SLC23A1: variants seen among roughly 807,000 people sequenced by gnomAD.
SLC23A1 encodes the protein Na(+)/L-ascorbic acid transporter 1.
Under a neutral mutation model 62.5 loss-of-function variants are expected in SLC23A1, and 31 were observed. That is an observed-to-expected ratio of 0.50 (90% confidence interval 0.37 to 0.67). The LOEUF is 0.67. Among genes scored for constraint, SLC23A1 ranks in the 30% least tolerant of loss-of-function variants. The pLI, the probability that SLC23A1 is intolerant of heterozygous loss-of-function variation, is 0.00. For synonymous variants in SLC23A1, 271 were observed against 313.2 expected (o/e 0.87, Z 1.42); for missense variants, 640 against 782.7 (o/e 0.82, Z 2.18).
At position 139,381,904 on chromosome 5, in the gene SLC23A1, G is replaced by A; in HGVS notation, c.296C>T (p.Thr99Ile). Residue 99 changes from threonine to isoleucine, a missense_variant, in exon 3 of 15, where the codon ACC (threonine) becomes ATC (isoleucine). By Grantham distance (89) the Thr-to-Ile change is moderately conservative. Coordinates refer to ENST00000348729, the MANE Select transcript of SLC23A1 (RefSeq NM_005847.5). The stretch of plus-strand genomic sequence containing the variant: ...CTGGGCGGCTCACCGGATGCCCACG[G>A]TGGTCTGGATGAGAGTGGTGATGCC... ...CVGITTLIQT[T>I]VGIRLPLFQA... The A allele has an allele frequency of 1.3e-6, 2 of 1,561,940 alleles. No homozygotes were observed. Among genetic ancestry groups the A allele is most frequent in the Non-Finnish European group, 1.7e-6 (2 of 1,154,158 alleles).
chr5:139,378,447 C>G lies in SLC23A1; in HGVS notation c.1180-96G>C, dbSNP rs2152069474. The G allele has an allele frequency of 6.7e-7, 1 of 1,483,038 alleles. No homozygotes were observed. The highest frequency in any genetic ancestry group is 9.1e-7 in the Non-Finnish European group (1 of 1,094,716). 91.9% of individuals were successfully genotyped at this position (1,483,038 alleles called of 1,614,324 possible). A position where few individuals can be genotyped will look rare whatever the true frequency, so the allele number is the denominator to read the frequency against. Reference sequence around the variant, plus strand: ...CCTGTTATAAGAGCGAGGCATAAACCGGCTGGGGCTTGATGCGGGGGCGAG... The same window carrying G: ...CCTGTTATAAGAGCGAGGCATAAACGGGCTGGGGCTTGATGCGGGGGCGAG... On this transcript the variant is annotated intron_variant, in intron 10 of 14. Coordinates refer to ENST00000348729, the MANE Select transcript of SLC23A1 (RefSeq NM_005847.5). This position sits in a 1 kb window ranked among gnomAD's most constrained non-coding sequence, Gnocchi z 4.5.
intron 3 of SLC23A1, among the ~76,000 whole-genome samples, chr5:139,381,614 CAA>C (rs904456829): frequency 3.1e-4 from 17 of 55,706 alleles, no homozygotes; most frequent in South Asian, 7.6e-4. Flanking sequence ...ACTCCGTCTC[CAA>C]AAAAAAAAAA....
chr5:139,378,558 G>A lies in SLC23A1; in HGVS notation c.1179+21C>T, dbSNP rs772366034. On this transcript the variant is annotated intron_variant, in intron 10 of 14. Coordinates refer to ENST00000348729, the MANE Select transcript of SLC23A1 (RefSeq NM_005847.5). This position sits in a 1 kb window ranked among gnomAD's most constrained non-coding sequence, Gnocchi z 4.5. ...GGCCCACGGAATTAGGGCAGGATTT[G>A]GCTCTGGCTCGTCGCGACACCTTGG... The A allele has an allele frequency of 2.6e-6, 4 of 1,541,404 alleles. No homozygotes were observed. Among genetic ancestry groups the A allele is most frequent in the Admixed American group, 3.8e-5 (2 of 52,530 alleles).
rs763765708 is a variant in SLC23A1, at chr5:139,371,972, A to G, written c.*19+15T>C. 6 of 1,603,700 alleles carry G rather than the reference A, an allele frequency of 3.7e-6. No individual in the cohort carries two copies. In the South Asian group the frequency reaches 5.5e-5, roughly 15 times the overall value. On this transcript the variant is annotated intron_variant, in intron 14 of 14. Coordinates refer to ENST00000348729, the MANE Select transcript of SLC23A1 (RefSeq NM_005847.5). ...ATTATTCAACCCTCCCACAAAAACC[A>G]TAGACACATCCTACCTTTCCTGGAA...
chr5:139,377,459 TC>T lies in SLC23A1; in HGVS notation c.1491del (p.Thr498ProfsTer27). On this transcript the variant is annotated frameshift_variant, in exon 13 of 15. Coordinates refer to ENST00000348729, the MANE Select transcript of SLC23A1 (RefSeq NM_005847.5). LOFTEE classifies it high-confidence loss of function. ...LEVDQILIVL[L>X]TTEMFVGGCL... ...CACCCGCCCACAAACATCTCCGTGG[TC>T]AGCAGCACAATCAGAATCTGATCCA... is the stretch of plus-strand genomic sequence containing the variant. The T allele has an allele frequency of 6.2e-7, 1 of 1,612,008 alleles. No individual in the cohort carries two copies. The highest frequency in any genetic ancestry group is 8.5e-7 in the Non-Finnish European group (1 of 1,178,076).
At chr5:139,381,586 C>T (rs1758258759) in intron 3 of SLC23A1, among the ~76,000 whole-genome samples, 1 of 135,082 alleles carries the variant, frequency 7.4e-6, no homozygotes, top group African/African-American at 2.9e-5. Context: ...GCAATCCAGC[C>T]TAGGCAACAA....
At chr5:139,373,518 C>T (rs1276550397) in intron 13 of SLC23A1, among the ~76,000 whole-genome samples, 3 of 152,090 alleles carry the variant, frequency 2.0e-5, no homozygotes, top group African/African-American at 4.8e-5. Context: ...TCAGGTGGGG[C>T]AGGGTCACAT....
Position 139,378,739 on chromosome 5 carries a change from C to A in SLC23A1, c.1074-55G>T. The A allele has an allele frequency of 7.6e-7, 1 of 1,315,734 alleles. No homozygotes were observed. The highest frequency in any genetic ancestry group is 1.3e-5 in the South Asian group (1 of 79,694). 81.5% of individuals were successfully genotyped at this position (1,315,734 alleles called of 1,614,324 possible). On this transcript the variant is annotated intron_variant, in intron 9 of 14. Transcript: ENST00000348729. The surrounding 1 kb of genome is among the most constrained non-coding windows in gnomAD (Gnocchi z 4.5). ...TCCAGCCTCTGCACCAGTCTGTGTT[C>A]CCCCATCATCTTAGCAAGCTGCCGT...
At position 139,381,759 on chromosome 5, in the gene SLC23A1, G is replaced by T. The variant is rs1247631533; in HGVS notation, c.308+133C>A. The T allele has an allele frequency of 4.2e-6, 3 of 709,726 alleles. No homozygotes were observed. In the African/African-American group the frequency reaches 5.3e-5, roughly 12 times the overall value. The allele number at this position is 709,726 out of a possible 1,614,324, so 44.0% of individuals were successfully genotyped here. A position where few individuals can be genotyped will look rare whatever the true frequency, so the allele number is the denominator to read the frequency against. ...CTGCCCAGCTCTAAGGCTGGCCTGG[G>T]ATAGGAGAAGCAGGTGGAGGCAGAA... On this transcript the variant is annotated intron_variant, in intron 3 of 14. Transcript: ENST00000348729.
chr5:139,381,722 G>T (rs1412161231), intron 3 of SLC23A1, among the ~76,000 whole-genome samples, 170 bp downstream of exon 3: 1 of 152,106 alleles, frequency 6.6e-6, no homozygotes, highest in East Asian at 1.9e-4. Flanking sequence ...GATTCCCAGG[G>T]TTGGGGCCAC....
chr5:139,368,900 T>C, intron 14 of SLC23A1: 1 of 840,138 alleles, frequency 1.2e-6, no homozygotes, highest in Non-Finnish European at 1.9e-6. Flanking sequence ...TGTGTTACAC[T>C]TATGCATTGC....
chr5:139,384,714 C>T (rs1047655294), upstream of SLC23A1: 29 of 985,254 alleles, frequency 2.9e-5, no homozygotes, highest in African/African-American at 1.4e-4. Context: ...GTGGAGAACA[C>T]GGTCCCAGAT....
chr5:139,371,202 GTC>G (rs1269929687), intron 14 of SLC23A1, among the ~76,000 whole-genome samples: 3 of 152,188 alleles, frequency 2.0e-5, no homozygotes, highest in Non-Finnish European at 2.9e-5. Context: ...AGTAATAACT[GTC>G]TCTGGATTAT....
At position 139,383,139 on chromosome 5, in the gene SLC23A1, C is replaced by G. The variant is rs560622734; in HGVS notation, c.36+79G>C. 11 of 571,396 alleles carry G rather than the reference C, an allele frequency of 1.9e-5. No homozygotes were observed. The East Asian group carries it at 4.2e-4, about 22-fold the overall frequency. The allele number at this position is 571,396 out of a possible 1,614,324, so 35.4% of individuals were successfully genotyped here. On this transcript the variant is annotated intron_variant, in intron 1 of 14. Coordinates refer to ENST00000348729, the MANE Select transcript of SLC23A1 (RefSeq NM_005847.5). ...TCATCAGAACGTTTATCTCTGGCCT[C>G]CAGGAAGAAGGCCTGCACAGGCCCT... is the stretch of plus-strand genomic sequence containing the variant.
Position 139,381,918 on chromosome 5 carries a change from A to G in SLC23A1, c.282T>C (p.Thr94=), listed in dbSNP as rs1406007024. The G allele has an allele frequency of 1.3e-6, 2 of 1,570,802 alleles. No individual in the cohort carries two copies. Among genetic ancestry groups the G allele is most frequent in the African/African-American group, 1.4e-5 (1 of 73,946 alleles). ...GTIFTCVGIT[T]LIQTTVGIRL... is the part of the protein sequence containing the mutation. ...GGATGCCCACGGTGGTCTGGATGAG[A>G]GTGGTGATGCCCACGCACGTGAAGA... Residue 94 remains threonine, a synonymous_variant, in exon 3 of 15, where the codon ACT becomes ACC. Transcript: ENST00000348729.
intron 14 of SLC23A1, chr5:139,368,833 A>G: frequency 1.4e-6 from 2 of 1,424,152 alleles, no homozygotes; most frequent in Non-Finnish European, 9.9e-7. Flanking sequence ...ATGTAGCACA[A>G]TTTCCACACT....
In SLC23A1 at chr5:139,379,916, T is replaced by C. The variant is rs774711669; in HGVS notation, c.768+40A>G. 1 of 1,614,094 alleles carries C rather than the reference T, an allele frequency of 6.2e-7. No homozygotes were observed. Among genetic ancestry groups the C allele is most frequent in the Non-Finnish European group, 8.5e-7 (1 of 1,179,976 alleles). On this transcript the variant is annotated intron_variant, in intron 7 of 14. Transcript: ENST00000348729. This position sits in a 1 kb window ranked among gnomAD's most constrained non-coding sequence, Gnocchi z 4.7. ...CCTGCTCCCACCTCAGCCCAAGCCC[T>C]GGCCATAGTCCCAGCCCCAGCCGCC...
intron 14 of SLC23A1, chr5:139,368,839 A>C: frequency 1.4e-6 from 2 of 1,392,720 alleles, no homozygotes; most frequent in Non-Finnish European, 2.0e-6. Context: ...CACAATTTCC[A>C]CACTGTGAAG....
Position 139,368,197 on chromosome 5 carries a change from G to A in SLC23A1, c.*20-566C>T, listed in dbSNP as rs555910053. ...AAAAATACAACAAAAAATTAGCTGG[G>A]CGTGGCGGTGGGCGCCTGTAGTCCC... On this transcript the variant is annotated intron_variant, in intron 14 of 14. Transcript: ENST00000348729. Among the ~76,000 whole-genome samples the A allele has an allele frequency of 1.2e-3, 189 of 152,354 alleles. 6 individuals are homozygous for A. Among genetic ancestry groups the A allele is most frequent in the Admixed American group, 1.7e-3 (26 of 15,310 alleles).
Sources: gnomAD v4.1 joint callset for allele counts (sites outside exome capture counted in the v4.1 genomes callset) on GRCh38, gnomAD v4.1.1 for gene constraint, Gnocchi (gnomAD v3.1) non-coding constraint, MANE v1.5 for transcripts, NCBI Gene and HGNC (gene_info 2026-07-23, HGNC 2026-07-21) for gene names.